SLC24A4: variants seen among roughly 807,000 people sequenced by gnomAD.
The protein encoded by SLC24A4 is solute carrier family 24 member 4.
A neutral mutation model predicts 79.0 loss-of-function variants in SLC24A4; 53 were observed. The observed-to-expected ratio is 0.67, with a 90% confidence interval of 0.54 to 0.84. SLC24A4 has a LOEUF of 0.84. SLC24A4 is among the 40% of genes least tolerant of loss of function. The pLI, the probability that SLC24A4 is intolerant of heterozygous loss-of-function variation, is 0.00. For synonymous variants in SLC24A4, 323 were observed against 323.8 expected (o/e 1.00, Z 0.03); for missense variants, 731 against 822.0 (o/e 0.89, Z 1.35).
At chr14:92,486,981 C>T (rs1354599391) in intron 14 of SLC24A4, among the ~76,000 whole-genome samples, 7 of 152,124 alleles carry the variant, frequency 4.6e-5, no homozygotes, top group African/African-American at 1.2e-4. Context: ...TGAACTCCTC[C>T]AGACCTCTAT....
intron 2 of SLC24A4, among the ~76,000 whole-genome samples, chr14:92,394,045 A>G (rs758295638): frequency 2.0e-5 from 3 of 149,638 alleles, no homozygotes; most frequent in African/African-American, 4.9e-5. Flanking sequence ...AGGTTTTGCT[A>G]TGTTGCCCAG....
At chr14:92,476,216 AAT>A (rs1249922722) in intron 12 of SLC24A4, among the ~76,000 whole-genome samples, 1 of 152,204 alleles carries the variant, frequency 6.6e-6, no homozygotes, top group East Asian at 1.9e-4. Flanking sequence ...GTTTTCTGTC[AAT>A]TCTAGAAATA....
intron 2 of SLC24A4, among the ~76,000 whole-genome samples, chr14:92,381,305 A>G (rs901483552): frequency 3.3e-5 from 5 of 152,066 alleles, no homozygotes; most frequent in African/African-American, 1.2e-4. Context: ...GCTGGAAGCC[A>G]TCATCCTCAG....
At chr14:92,337,426 G>A (rs1484223087) in intron 2 of SLC24A4, among the ~76,000 whole-genome samples, 2 of 152,130 alleles carry the variant, frequency 1.3e-5, no homozygotes, top group Non-Finnish European at 2.9e-5. Flanking sequence ...GTCCCTCATC[G>A]TACCCATTGA....
intron 2 of SLC24A4, among the ~76,000 whole-genome samples, chr14:92,361,283 ATTT>A (rs11337954): frequency 1.4e-5 from 2 of 138,700 alleles, no homozygotes; most frequent in Non-Finnish European, 3.2e-5. Context: ...GCTAACAACT[ATTT>A]TTTTTTTTTT....
intron 12 of SLC24A4, among the ~76,000 whole-genome samples, chr14:92,461,700 T>C (rs1268976755): frequency 1.3e-5 from 2 of 152,136 alleles, no homozygotes; most frequent in East Asian, 1.9e-4. Context: ...CTGCAACATA[T>C]GAATTTGGAG....
chr14:92,458,165 G>A (rs1049329560), intron 12 of SLC24A4, among the ~76,000 whole-genome samples: 16 of 152,318 alleles, frequency 1.1e-4, no homozygotes, highest in African/African-American at 3.8e-4. Flanking sequence ...CTGGGGATCT[G>A]CATTTTCAAA....
At chr14:92,438,155 A>G (rs1892280464) in intron 3 of SLC24A4, among the ~76,000 whole-genome samples, 1 of 152,204 alleles carries the variant, frequency 6.6e-6, no homozygotes, top group South Asian at 2.1e-4. Flanking sequence ...GGCAGTTGCA[A>G]ACCTCAAGTT....
chr14:92,363,514 C>T (rs1009815087), intron 2 of SLC24A4, among the ~76,000 whole-genome samples: 4 of 152,232 alleles, frequency 2.6e-5, no homozygotes, highest in Admixed American at 2.6e-4. Context: ...CATGTAGCCT[C>T]CAGATTGACC....
At chr14:92,408,763 T>G (rs1279740859) in intron 2 of SLC24A4, among the ~76,000 whole-genome samples, 1 of 152,246 alleles carries the variant, frequency 6.6e-6, no homozygotes, top group Non-Finnish European at 1.5e-5. Context: ...ACTTTCTCCA[T>G]TGTTCTGAAG....
intron 2 of SLC24A4, among the ~76,000 whole-genome samples, chr14:92,401,933 C>T (rs1890136166): frequency 6.6e-6 from 1 of 152,164 alleles, no homozygotes; most frequent in African/African-American, 2.4e-5. Context: ...TCTTTGTTTT[C>T]CTCTGAACAC....
At chr14:92,429,569 C>T (rs1891750608) in intron 2 of SLC24A4, among the ~76,000 whole-genome samples, 1 of 152,194 alleles carries the variant, frequency 6.6e-6, no homozygotes, top group Admixed American at 6.5e-5. Context: ...GCAGAATTGA[C>T]CTACAAAATC....
intron 1 of SLC24A4, among the ~76,000 whole-genome samples, chr14:92,324,542 C>T (rs914836033): frequency 1.3e-5 from 2 of 152,212 alleles, no homozygotes; most frequent in Admixed American, 1.3e-4. Context: ...GAGCCTCGAC[C>T]CATGCCCCCT....
At chr14:92,335,653 G>A (rs982545051) in intron 2 of SLC24A4, among the ~76,000 whole-genome samples, 4 of 152,134 alleles carry the variant, frequency 2.6e-5, no homozygotes, top group African/African-American at 9.7e-5. Flanking sequence ...GTGAGCCACT[G>A]CGCCCAGCCC....
chr14:92,360,294 T>A (rs769063878), intron 2 of SLC24A4, among the ~76,000 whole-genome samples: 6 of 152,160 alleles, frequency 3.9e-5, no homozygotes, highest in Non-Finnish European at 7.3e-5. Flanking sequence ...TGAAGTACAG[T>A]GCACCATCGT....
At chr14:92,369,524 T>C (rs1396450864) in intron 2 of SLC24A4, among the ~76,000 whole-genome samples, 6 of 152,126 alleles carry the variant, frequency 3.9e-5, no homozygotes, top group African/African-American at 1.4e-4. Flanking sequence ...AATGGTTAGA[T>C]CCAGAACCGG....
At chr14:92,425,371 G>A (rs1891509302) in intron 2 of SLC24A4, among the ~76,000 whole-genome samples, 1 of 152,210 alleles carries the variant, frequency 6.6e-6, no homozygotes, top group Non-Finnish European at 1.5e-5. Flanking sequence ...TTATTGGAGG[G>A]ACACTATTCA....
chr14:92,341,377 C>T (rs12232210), intron 2 of SLC24A4, among the ~76,000 whole-genome samples: 2,585 of 152,224 alleles, frequency 0.017, 28 homozygotes, highest in East Asian at 0.043. Flanking sequence ...GTCACTGCCC[C>T]GAAAGGCCTT....
intron 2 of SLC24A4, among the ~76,000 whole-genome samples, chr14:92,328,889 C>T (rs995820003): frequency 2.0e-5 from 3 of 152,212 alleles, no homozygotes; most frequent in African/African-American, 4.8e-5. Context: ...TGGGAATCGG[C>T]GAGGTTGGGC....
Sources: allele counts gnomAD v4.1 joint callset (sites outside exome capture counted in the v4.1 genomes callset), GRCh38; gene constraint gnomAD v4.1.1; transcripts MANE v1.5; gene names NCBI Gene and HGNC (gene_info 2026-07-23, HGNC 2026-07-21).